Variants in ZNF350 observed in about 807,000 individuals in gnomAD.
The protein encoded by ZNF350 is zinc finger protein 350.
In ZNF350, 5 loss-of-function variants were observed where a neutral mutation model predicts 13.1. The ratio of observed to expected loss-of-function variants is 0.38; its 90% CI spans 0.20 to 0.80. ZNF350 has a LOEUF of 0.80. ZNF350 is among the 30% of genes least tolerant of loss of function. The pLI, the probability that ZNF350 is intolerant of heterozygous loss-of-function variation, is 0.43. For synonymous variants in ZNF350, 199 were observed against 224.2 expected (o/e 0.89, Z 1.00); for missense variants, 534 against 644.2 (o/e 0.83, Z 1.85).
At chr19:51,985,361 A>G (rs763989292) in intron 1 of ZNF350, among the ~76,000 whole-genome samples, 2 of 152,238 alleles carry the variant, frequency 1.3e-5, no homozygotes, top group Non-Finnish European at 2.9e-5. Flanking sequence ...AATTATAAGC[A>G]TTACAAAGTA....
intron 1 of ZNF350, chr19:51,984,199 A>C (rs2086119034): frequency 6.6e-6 from 1 of 151,948 alleles, no homozygotes; most frequent in Non-Finnish European, 1.5e-5. Flanking sequence ...AAAAAAAAAA[A>C]AATCAATAAA....
intron 2 of ZNF350, 184 bp downstream of exon 2, chr19:51,974,162 A>G (rs2085822025): frequency 1.8e-6 from 1 of 561,502 alleles, no homozygotes; most frequent in African/African-American, 1.9e-5. Flanking sequence ...TGTTAATGCT[A>G]TGAACATTAT....
At chr19:51,968,853 A>C in intron 3 of ZNF350, 152 bp downstream of exon 3, 2 of 1,512,140 alleles carry the variant, frequency 1.3e-6, no homozygotes, top group East Asian at 4.5e-5. Flanking sequence ...CTCTTACAAG[A>C]GGGTAGATTA....
At chr19:51,966,444 C>T (rs560431226) in intron 4 of ZNF350, among the ~76,000 whole-genome samples, 2 of 151,786 alleles carry the variant, frequency 1.3e-5, no homozygotes, top group African/African-American at 2.4e-5. Context: ...CTACCATGCC[C>T]GGCTAATTTT....
chr19:51,983,110 C>T (rs62107520), intron 1 of ZNF350, among the ~76,000 whole-genome samples: 6,536 of 152,346 alleles, frequency 0.043, 214 homozygotes, highest in Non-Finnish European at 0.069. Flanking sequence ...TGCTCAGAAA[C>T]GTGTGCTGTG....
intron 1 of ZNF350, among the ~76,000 whole-genome samples, chr19:51,982,961 G>C (rs1223062054): frequency 6.6e-6 from 1 of 152,210 alleles, no homozygotes; most frequent in East Asian, 1.9e-4. Flanking sequence ...GCTGAGGAAG[G>C]TGTGGGGGAA....
intron 1 of ZNF350, among the ~76,000 whole-genome samples, chr19:51,978,131 G>A (rs141393802): frequency 2.0e-4 from 31 of 152,200 alleles, no homozygotes; most frequent in African/African-American, 6.3e-4. Context: ...ATGAGATGGG[G>A]GCCTGCACCC....
rs1409600848 is a variant in ZNF350, at chr19:51,968,611, T to C, written c.205A>G (p.Ile69Val). The change falls in exon 4 of 5, where the codon ATT (isoleucine) becomes GTT (valine). Residue 69 changes from isoleucine (I) to valine (V), a missense_variant. Transcript: ENST00000243644. ...KLEQGEQLWTIEDGIHSGACS... is the reference protein window; with the variant it reads ...KLEQGEQLWTVEDGIHSGACS... ...GCTCCACTGTGGATTCCATCTTCAA[T>C]TGTCCACAGTTGTTCTCCTTGTTCC... 27 of 1,614,134 alleles carry C rather than the reference T, an allele frequency of 1.7e-5. No homozygotes were observed. The highest frequency in any genetic ancestry group is 2.3e-5 in the Non-Finnish European group (27 of 1,180,018).
intron 1 of ZNF350, among the ~76,000 whole-genome samples, chr19:51,982,870 G>A (rs1320373296): frequency 6.6e-6 from 1 of 152,166 alleles, no homozygotes; most frequent in Non-Finnish European, 1.5e-5. Flanking sequence ...AGCACTACAG[G>A]GAAGTAGATA....
chr19:51,966,528 T>C (rs1044464942), intron 4 of ZNF350, among the ~76,000 whole-genome samples: 2 of 150,764 alleles, frequency 1.3e-5, no homozygotes, highest in South Asian at 2.1e-4. Flanking sequence ...AGGTGAGCCA[T>C]TGTGCTCAGC....
Position 51,966,852 on chromosome 19 carries a change from A to G in ZNF350, c.239-638T>C, listed in dbSNP as rs574807249. Among the ~76,000 whole-genome samples, 104 of 150,586 alleles carry G rather than the reference A, an allele frequency of 6.9e-4. 1 individual carries two copies. The South Asian group carries it at 7.8e-3, about 11-fold the overall frequency. On this transcript the variant is annotated intron_variant, in intron 4 of 4. Transcript: ENST00000243644. ...AGTAGAGACGGCGTTTCACCATGTT[A>G]GCCAGGCTGATCTCGAACTCCCGAC...
At chr19:51,979,849 T>C (rs1186982323) in intron 1 of ZNF350, among the ~76,000 whole-genome samples, 1 of 152,242 alleles carries the variant, frequency 6.6e-6, no homozygotes, top group Admixed American at 6.5e-5. Flanking sequence ...TTCTTCTTTA[T>C]ACAACAGCAG....
At chr19:51,968,074 A>G (rs753717876) in intron 4 of ZNF350, among the ~76,000 whole-genome samples, 3 of 152,180 alleles carry the variant, frequency 2.0e-5, no homozygotes, top group Non-Finnish European at 4.4e-5. Context: ...TGGAGAACCT[A>G]AGAATAAGGA....
At chr19:51,984,024 A>G (rs931878348) in intron 1 of ZNF350, 1 of 152,160 alleles carries the variant, frequency 6.6e-6, no homozygotes, top group African/African-American at 2.4e-5. Context: ...TAAAAATACA[A>G]AAATTAGCCA....
At position 51,965,688 on chromosome 19, in the gene ZNF350, A is replaced by C; in HGVS notation, c.765T>G (p.Thr255=). ...RKFMLTEHQR[T]HTGEKPYECP... is the part of the protein sequence containing the mutation. ...ATTCATAAGGTTTTTCTCCTGTATG[A>C]GTTCGCTGATGTTCAGTAAGCATGA... The change falls in exon 5 of 5, where the codon ACT becomes ACG. Residue 255 remains threonine (T), a synonymous_variant. Coordinates refer to ENST00000243644, the MANE Select transcript of ZNF350 (RefSeq NM_021632.4). The C allele has an allele frequency of 1.2e-6, 2 of 1,614,148 alleles. No homozygotes were observed. Among genetic ancestry groups the C allele is most frequent in the Non-Finnish European group, 1.7e-6 (2 of 1,180,018 alleles).
At chr19:51,986,474 G>C (rs1050911515) in intron 1 of ZNF350, 3 of 152,582 alleles carry the variant, frequency 2.0e-5, no homozygotes, top group Admixed American at 2.0e-4. Flanking sequence ...GATCCTAATC[G>C]CCACCTCCAT....
Position 51,965,916 on chromosome 19 carries a change from A to G in ZNF350, c.537T>C (p.Pro179=). The G allele has an allele frequency of 6.2e-7, 1 of 1,614,084 alleles. No homozygotes were observed. The highest frequency in any genetic ancestry group is 2.2e-5 in the East Asian group (1 of 44,880). The change falls in exon 5 of 5, where the codon CCT becomes CCC. Residue 179 remains proline (P), a synonymous_variant. Coordinates refer to ENST00000243644, the MANE Select transcript of ZNF350 (RefSeq NM_021632.4). ...HERLHTAIKF[P]ASQKLISTKS... ...TAGTGCTGATGAGTTTTTGACTTGC[A>G]GGGAATTTAATTGCAGTATGAAGTC...
rs1236463932 is a variant in ZNF350 at position 51,965,370 on chromosome 19, G to A, written c.1083C>T (p.Leu361=). Residue 361 remains leucine (L), a synonymous_variant, in exon 5 of 5, where the codon CTC becomes CTT. Coordinates refer to ENST00000243644, the MANE Select transcript of ZNF350 (RefSeq NM_021632.4). ...CGKSCSQKSG[L]IKHQRIHTGE... ...CTGTGTGAATTCTTTGATGTTTAAT[G>A]AGACCTGATTTCTGAGAACAGGATT... 6.2e-7 allele frequency: 1 copy of A among 1,613,784 alleles called. No individual in the cohort carries two copies. The highest frequency in any genetic ancestry group is 8.5e-7 in the Non-Finnish European group (1 of 1,179,928).
intron 2 of ZNF350, 39 bp downstream of exon 2, chr19:51,974,307 G>T: frequency 6.2e-7 from 1 of 1,610,216 alleles, no homozygotes; most frequent in South Asian, 1.1e-5. Context: ...ATCTATTATG[G>T]AACAAAGGAA....
Sources: gnomAD v4.1 joint callset for allele counts (sites outside exome capture counted in the v4.1 genomes callset) on GRCh38, gnomAD v4.1.1 for gene constraint, MANE v1.5 for transcripts, NCBI Gene and HGNC (gene_info 2026-07-23, HGNC 2026-07-21) for gene names.